The following PDE4D variants were observed in gnomAD, a reference collection of about 807,000 sequenced individuals.
PDE4D encodes phosphodiesterase 4D, also known as 3',5'-cyclic-AMP phosphodiesterase 4D.
Under a neutral mutation model 87.4 loss-of-function variants are expected in PDE4D, and 24 were observed. That is an observed-to-expected ratio of 0.27 (90% CI 0.20 to 0.39). The LOEUF (loss-of-function observed/expected upper bound fraction) is 0.39. Among genes scored for constraint, PDE4D ranks in the 10% least tolerant of loss-of-function variants. The pLI is 1.00. For synonymous variants in PDE4D, 384 were observed against 383.2 expected, an observed-to-expected ratio of 1.00 and a Z score of -0.02; for missense variants, 714 against 1,041.0, an observed-to-expected ratio of 0.69 and a Z score of 4.32.
rs1561842379 is a variant in PDE4D at position 59,903,926 on chromosome 5, GCAAAT to G, written c.272+84557_272+84561del. 3.9e-5 allele frequency among the ~76,000 whole-genome samples: 6 copies of G among 152,284 alleles called. No homozygotes were observed. In the South Asian group the frequency reaches 1.2e-3, roughly 32 times the overall value. On this transcript the variant is annotated intron_variant, in intron 3 of 16. Coordinates refer to the PDE4D transcript ENST00000502484. Reference sequence around the variant, plus strand: ...AAGATGGGTATAAGCACCAGACAGAGCAAATCAGAATCCTCAAAAATTGCATGACT... The same window carrying G: ...AAGATGGGTATAAGCACCAGACAGAGCAGAATCCTCAAAAATTGCATGACT...
intron 2 of PDE4D, among the ~76,000 whole-genome samples, chr5:60,122,429 A>C (rs562865904): frequency 6.6e-6 from 1 of 152,344 alleles, no homozygotes; most frequent in African/African-American, 2.4e-5. Context: ...ATATAGGCGG[A>C]GGTTCCCGAA....
chr5:59,468,965 T>C (rs2153650545), intron 1 of PDE4D, among the ~76,000 whole-genome samples: 1 of 152,254 alleles, frequency 6.6e-6, no homozygotes, highest in African/African-American at 2.4e-5. Flanking sequence ...TCCTGCAATA[T>C]GAGACATTGT....
chr5:59,721,754 T>C (rs558571203), intron 1 of PDE4D, among the ~76,000 whole-genome samples: 1 of 152,318 alleles, frequency 6.6e-6, no homozygotes, highest in South Asian at 2.1e-4. Context: ...GCATAAAAGA[T>C]GCTACTATAA....
At chr5:59,747,178 A>G (rs1291797953) in intron 1 of PDE4D, among the ~76,000 whole-genome samples, 8 of 151,796 alleles carry the variant, frequency 5.3e-5, no homozygotes, top group Admixed American at 1.3e-4. Flanking sequence ...GTCTCTCCCT[A>G]CCTTCTCTCT....
intron 1 of PDE4D, among the ~76,000 whole-genome samples, chr5:59,451,591 A>G (rs1799163045): frequency 1.3e-5 from 2 of 152,164 alleles, no homozygotes; most frequent in African/African-American, 2.4e-5. Flanking sequence ...AATCCTGAAA[A>G]TAATCCTAAC....
At chr5:60,124,054 CACTT>C (rs919930245) in intron 2 of PDE4D, among the ~76,000 whole-genome samples, 2 of 152,094 alleles carry the variant, frequency 1.3e-5, no homozygotes, top group African/African-American at 2.4e-5. Context: ...TTGAACGTAA[CACTT>C]AATTATATAA....
intron 1 of PDE4D, among the ~76,000 whole-genome samples, chr5:60,237,773 A>T (rs1400658913): frequency 6.6e-6 from 1 of 152,062 alleles, no homozygotes; most frequent in Non-Finnish European, 1.5e-5. Flanking sequence ...GATCAATGTC[A>T]AATTCATGAC....
intron 1 of PDE4D, among the ~76,000 whole-genome samples, chr5:59,496,595 A>C (rs1428119232): frequency 6.6e-6 from 1 of 152,084 alleles, no homozygotes. Flanking sequence ...TCCCCTAGAA[A>C]TCTAGCCCTC....
intron 1 of PDE4D, among the ~76,000 whole-genome samples, chr5:59,372,193 C>T (rs944533886): frequency 8.5e-5 from 13 of 152,272 alleles, no homozygotes; most frequent in African/African-American, 3.1e-4. Context: ...CAATGGACAA[C>T]AGAAGAAGCT....
intron 1 of PDE4D, among the ~76,000 whole-genome samples, chr5:59,878,917 GAGAC>G (rs1749014269): frequency 3.3e-5 from 1 of 30,546 alleles, no homozygotes; most frequent in Non-Finnish European, 5.8e-5. Context: ...TTTTTTTTTT[GAGAC>G]AGAGTCTCGC....
chr5:60,400,982 G>C (rs1583635492), intron 1 of PDE4D, among the ~76,000 whole-genome samples: 1 of 152,048 alleles, frequency 6.6e-6, no homozygotes, highest in East Asian at 1.9e-4. Context: ...CAAGCACTTG[G>C]GATAAAGGCC....
At chr5:59,197,746 T>G (rs1745785460) in intron 2 of PDE4D, among the ~76,000 whole-genome samples, 3 of 152,206 alleles carry the variant, frequency 2.0e-5, no homozygotes. Flanking sequence ...CAACAGAAGA[T>G]TCACTTTGTG....
intron 1 of PDE4D, among the ~76,000 whole-genome samples, chr5:60,400,688 T>C (rs1013505028): frequency 8.5e-5 from 13 of 152,158 alleles, no homozygotes; most frequent in African/African-American, 3.1e-4. Context: ...TCCTAGCACT[T>C]TGGGAGGCCG....
chr5:59,030,677 G>A (rs1207496800), intron 6 of PDE4D, among the ~76,000 whole-genome samples: 1 of 152,094 alleles, frequency 6.6e-6, no homozygotes, highest in African/African-American at 2.4e-5. Context: ...GTTACAGTGA[G>A]ACATGATCAC....
At chr5:59,529,018 AACC>A (rs1479974021) in intron 1 of PDE4D, 7 of 468,526 alleles carry the variant, frequency 1.5e-5, no homozygotes, top group Non-Finnish European at 2.6e-5. Context: ...TCAGTACAAC[AACC>A]AACTCTAACC....
intron 2 of PDE4D, among the ~76,000 whole-genome samples, chr5:60,154,436 C>T (rs557862807): frequency 6.6e-6 from 1 of 152,232 alleles, no homozygotes; most frequent in East Asian, 1.9e-4. Flanking sequence ...GCCACCACAC[C>T]TGGCTAATTT....
chr5:59,181,789 T>C (rs1434091102), intron 4 of PDE4D, among the ~76,000 whole-genome samples: 2 of 152,134 alleles, frequency 1.3e-5, no homozygotes, highest in Non-Finnish European at 2.9e-5. Context: ...GTAACGAAGC[T>C]GAGATTTGAA....
chr5:59,959,558 A>G (rs1186864740), intron 3 of PDE4D, among the ~76,000 whole-genome samples: 1 of 152,140 alleles, frequency 6.6e-6, no homozygotes, highest in Non-Finnish European at 1.5e-5. Context: ...ATAAAGCTGC[A>G]CGCCTACAGC....
chr5:59,006,939 G>A (rs1414066638), intron 6 of PDE4D, among the ~76,000 whole-genome samples: 1 of 152,196 alleles, frequency 6.6e-6, no homozygotes, highest in African/African-American at 2.4e-5. Flanking sequence ...CACAAAGCCA[G>A]TAGTAAGTAA....
Sources: allele counts gnomAD v4.1 joint callset (sites outside exome capture counted in the v4.1 genomes callset), GRCh38; gene constraint gnomAD v4.1.1; transcripts MANE v1.5; gene names NCBI Gene and HGNC (gene_info 2026-07-23, HGNC 2026-07-21).